The following TRANK1 variants were observed in gnomAD, a reference collection of about 807,000 sequenced individuals.
TRANK1 encodes the protein TPR and ankyrin repeat-containing protein 1.
A neutral mutation model predicts 266.0 loss-of-function variants in TRANK1; 198 were observed. That is an observed-to-expected ratio of 0.74 (90% CI 0.66 to 0.84). The LOEUF (loss-of-function observed/expected upper bound fraction) is 0.84, where lower values mean the gene tolerates loss of function less well. Ranked by LOEUF, TRANK1 falls within the 40% of genes least tolerant of loss-of-function variation. The pLI, the probability that TRANK1 is intolerant of heterozygous loss-of-function variation, is 0.00. For synonymous variants in TRANK1, 1,396 were observed against 1,384.1 expected (o/e 1.01, Z -0.19); for missense variants, 3,326 against 3,634.6 (o/e 0.92, Z 2.18).
chr3:36,917,477 C>T (rs544280530), intron 1 of TRANK1, among the ~76,000 whole-genome samples: 2 of 152,278 alleles, frequency 1.3e-5, no homozygotes, highest in African/African-American at 2.4e-5. Flanking sequence ...GAGAACCATT[C>T]GCCCCTCTAA....
In TRANK1 at chr3:36,855,223, C is replaced by A; in HGVS notation, c.4499G>T (p.Arg1500Leu). The change falls in exon 13 of 24, where the codon CGG (arginine) becomes CTG (leucine). Residue 1500 changes from arginine (R) to leucine (L), a missense_variant. Transcript: ENST00000645898. ...RNTIDKQCAV[R>L]KPKKIHQLYQ... ...CAGCTGGTGGATCTTCTTGGGCTTCCGGACAGCACACTGCTTGTCTATGGT... is the reference window on the plus strand; with the variant it reads ...CAGCTGGTGGATCTTCTTGGGCTTCAGGACAGCACACTGCTTGTCTATGGT... 1 of 1,613,896 alleles carries A rather than the reference C, an allele frequency of 6.2e-7. No individual in the cohort carries two copies. Among genetic ancestry groups the A allele is most frequent in the Non-Finnish European group, 8.5e-7 (1 of 1,179,812 alleles).
chr3:36,898,775 C>T (rs1340042203), intron 4 of TRANK1, among the ~76,000 whole-genome samples: 2 of 150,786 alleles, frequency 1.3e-5, no homozygotes, highest in East Asian at 3.9e-4. Context: ...CACTTGAACC[C>T]GGGAGGCAGA....
intron 23 of TRANK1, 49 bp from the exon 24 acceptor site, chr3:36,828,424 G>A (rs1407060500): frequency 1.1e-6 from 1 of 873,096 alleles, no homozygotes; most frequent in Middle Eastern, 3.0e-4. Context: ...AAGGGAGGGA[G>A]GGAGGGAAGG....
intron 20 of TRANK1, among the ~76,000 whole-genome samples, chr3:36,836,503 G>A (rs1230978106): frequency 6.6e-6 from 1 of 152,128 alleles, no homozygotes. Context: ...ATGTATAGAA[G>A]ACACCACTAT....
At chr3:36,923,662 G>A (rs895425640) in intron 1 of TRANK1, among the ~76,000 whole-genome samples, 2 of 152,046 alleles carry the variant, frequency 1.3e-5, no homozygotes, top group Non-Finnish European at 2.9e-5. Flanking sequence ...GTCCTCACAG[G>A]AAACTCTCTC....
rs777398563 is a variant in TRANK1 at position 36,857,821 on chromosome 3, C to T, written c.1901G>A (p.Arg634Gln). 1.6e-5 allele frequency: 26 copies of T among 1,613,820 alleles called. No individual in the cohort carries two copies. The highest frequency in any genetic ancestry group is 4.4e-5 in the South Asian group (4 of 91,088). ...KNKEGKDARHRIKKNDSLLLA... is the reference protein window; with the variant it reads ...KNKEGKDARHQIKKNDSLLLA... Reference sequence around the variant, plus strand: ...GAGCAGAGAGTCGTTCTTCTTAATCCGGTGCCGTGCATCTTTGCCCTCTTT... The same window carrying T: ...GAGCAGAGAGTCGTTCTTCTTAATCTGGTGCCGTGCATCTTTGCCCTCTTT... Residue 634 changes from arginine to glutamine, a missense_variant, in exon 13 of 24, where the codon CGG becomes CAG. Coordinates refer to ENST00000645898, the MANE Select transcript of TRANK1 (RefSeq NM_001329998.2). This position sits in a 1 kb window ranked among gnomAD's most constrained non-coding sequence, Gnocchi z 4.3.
intron 2 of TRANK1, among the ~76,000 whole-genome samples, chr3:36,906,717 C>T (rs1232627362): frequency 3.9e-5 from 6 of 152,228 alleles, no homozygotes; most frequent in East Asian, 1.9e-4. Context: ...GAATACACAC[C>T]GCCACTCAAA....
At position 36,851,749 on chromosome 3, in the gene TRANK1, G is replaced by T; in HGVS notation, c.4857C>A (p.Val1619=). The T allele has an allele frequency of 6.2e-7, 1 of 1,613,122 alleles. No individual in the cohort carries two copies. The highest frequency in any genetic ancestry group is 8.5e-7 in the Non-Finnish European group (1 of 1,179,610). The change falls in exon 15 of 24, where the codon GTC becomes GTA. Residue 1619 remains valine, a synonymous_variant. Transcript: ENST00000645898. ...YEAKGLEFDD[V]LLYNFFTDSE... ...AATCAGTAAAAAAGTTGTAAAGGAG[G>T]ACATCATCAAATTCTAAGCCTTTTG...
At chr3:36,847,078 A>G (rs987744173) in intron 16 of TRANK1, 122 bp downstream of exon 16, 6 of 1,219,952 alleles carry the variant, frequency 4.9e-6, no homozygotes, top group Admixed American at 2.8e-5. Flanking sequence ...CTTATCCTCA[A>G]TTCCCCGTTG....
chr3:36,872,276 C>T (rs1451685399), intron 9 of TRANK1, among the ~76,000 whole-genome samples: 1 of 152,158 alleles, frequency 6.6e-6, no homozygotes, highest in Non-Finnish European at 1.5e-5. Flanking sequence ...TGGTACATGC[C>T]TGTAATCCCA....
At chr3:36,916,788 G>T (rs1033164524) in intron 1 of TRANK1, among the ~76,000 whole-genome samples, 2 of 151,600 alleles carry the variant, frequency 1.3e-5, no homozygotes, top group African/African-American at 4.9e-5. Context: ...AAATATAAAT[G>T]TATGGGTTTT....
chr3:36,933,876 C>G (rs565557090), intron 1 of TRANK1, among the ~76,000 whole-genome samples: 1 of 152,332 alleles, frequency 6.6e-6, no homozygotes, highest in East Asian at 1.9e-4. Context: ...GACCTTGCCC[C>G]ACTTCCCAAG....
Position 36,829,547 on chromosome 3 carries a change from C to A in TRANK1, c.8809+17G>T, listed in dbSNP as rs1317857224. On this transcript the variant is annotated intron_variant, in intron 23 of 23. Transcript: ENST00000645898. Reference sequence around the variant, plus strand: ...GGACCCAAAGTGTTACCTGTCCCCACAATCAAGACTCCTTACCTTCCTTCT... The same window carrying A: ...GGACCCAAAGTGTTACCTGTCCCCAAAATCAAGACTCCTTACCTTCCTTCT... The A allele has an allele frequency of 1.2e-6, 2 of 1,613,542 alleles. No homozygotes were observed. The highest frequency in any genetic ancestry group is 1.7e-6 in the Non-Finnish European group (2 of 1,179,602).
intron 8 of TRANK1, among the ~76,000 whole-genome samples, chr3:36,883,006 G>C (rs903849522): frequency 1.3e-5 from 2 of 152,102 alleles, no homozygotes; most frequent in African/African-American, 4.8e-5. Context: ...TGTTGTGAGA[G>C]AAGCACCCTC....
At chr3:36,913,422 CTTTCTTGCTTGCTTTCTT>C (rs1474869348) in intron 1 of TRANK1, among the ~76,000 whole-genome samples, 1 of 151,882 alleles carries the variant, frequency 6.6e-6, no homozygotes, top group Non-Finnish European at 1.5e-5. Context: ...TGCTCACTTA[CTTTCTTGCTTGCTTTCTT>C]TTTCTTGCTT....
At chr3:36,920,275 ACT>A (rs1255057498) in intron 1 of TRANK1, among the ~76,000 whole-genome samples, 1 of 152,094 alleles carries the variant, frequency 6.6e-6, no homozygotes, top group Middle Eastern at 3.2e-3. Flanking sequence ...AAGTTCTGAC[ACT>A]CTACCCATTT....
In TRANK1 at chr3:36,827,766, T is replaced by C. The variant is rs2078647502; in HGVS notation, c.*509A>G. ...GCTCAGAGATGACCAGAATGCGTCC[T>C]GGGCTCGGGGTGGCCAGTGGCAGGG... On this transcript the variant is annotated 3_prime_UTR_variant, in exon 24 of 24. Transcript: ENST00000645898. 1.3e-5 allele frequency: 2 copies of C among 152,906 alleles called. No individual in the cohort carries two copies. Among genetic ancestry groups the C allele is most frequent in the South Asian group, 2.1e-4 (1 of 4,854 alleles). 9.5% of individuals were successfully genotyped at this position (152,906 alleles called of 1,614,324 possible).
intron 20 of TRANK1, among the ~76,000 whole-genome samples, chr3:36,837,280 C>G (rs1308453440): frequency 6.6e-6 from 1 of 152,180 alleles, no homozygotes; most frequent in African/African-American, 2.4e-5. Flanking sequence ...CTGTTCCATT[C>G]CCTTCTCCCA....
At chr3:36,845,830 T>C (rs2078906723) in intron 17 of TRANK1, among the ~76,000 whole-genome samples, 2 of 152,234 alleles carry the variant, frequency 1.3e-5, no homozygotes, top group Admixed American at 1.3e-4. Context: ...ATGAGCATAC[T>C]TACGCAGGTA....
Sources: gnomAD v4.1 joint callset for allele counts (sites outside exome capture counted in the v4.1 genomes callset) on GRCh38, gnomAD v4.1.1 for gene constraint, Gnocchi (gnomAD v3.1) non-coding constraint, MANE v1.5 for transcripts, NCBI Gene and HGNC (gene_info 2026-07-23, HGNC 2026-07-21) for gene names.